The following PCDH7 variants were observed in gnomAD, a reference collection of about 807,000 sequenced individuals.
The protein encoded by PCDH7 is protocadherin-7.
PCDH7 carries 17 observed loss-of-function variants against 58.9 expected under a neutral mutation model. The observed-to-expected ratio is 0.29, with a 90% CI of 0.20 to 0.43. The LOEUF (loss-of-function observed/expected upper bound fraction) is 0.43, where lower values mean the gene tolerates loss of function less well. Ranked by LOEUF, PCDH7 falls within the 20% of genes least tolerant of loss-of-function variation. The pLI, the probability that PCDH7 is intolerant of heterozygous loss-of-function variation, is 1.00. For missense variants in PCDH7, 1,274 were observed against 1,441.0 expected, an observed-to-expected ratio of 0.88 and a Z score of 1.88; for synonymous variants, 664 against 616.4, an observed-to-expected ratio of 1.08 and a Z score of -1.14.
chr4:31,081,484 T>C (rs1414536982), intron 3 of PCDH7, among the ~76,000 whole-genome samples: 3 of 152,194 alleles, frequency 2.0e-5, no homozygotes, highest in African/African-American at 7.2e-5. Flanking sequence ...ATCTTCTTAA[T>C]ATGGCCCTTA....
chr4:30,770,789 T>A (rs1442900092), intron 1 of PCDH7, among the ~76,000 whole-genome samples: 1 of 152,178 alleles, frequency 6.6e-6, no homozygotes, highest in African/African-American at 2.4e-5. Context: ...TTGTTATAAC[T>A]GAAGTTACAC....
At chr4:30,963,370 A>G (rs936593755) in intron 3 of PCDH7, among the ~76,000 whole-genome samples, 1 of 152,086 alleles carries the variant, frequency 6.6e-6, no homozygotes, top group Non-Finnish European at 1.5e-5. Flanking sequence ...ACTGTTGGAG[A>G]GCCCTAAATT....
intron 2 of PCDH7, among the ~76,000 whole-genome samples, chr4:30,941,455 T>G (rs1387871165): frequency 6.6e-6 from 1 of 151,992 alleles, no homozygotes; most frequent in East Asian, 1.9e-4. Context: ...TTCCCAATTT[T>G]GAGTAGATTA....
intron 3 of PCDH7, among the ~76,000 whole-genome samples, chr4:31,022,627 T>G (rs1754115874): frequency 6.6e-6 from 1 of 152,192 alleles, no homozygotes. Flanking sequence ...ATATTTATCA[T>G]CAGGAGAGGT....
At chr4:30,899,717 TA>T (rs1402882138) in intron 1 of PCDH7, among the ~76,000 whole-genome samples, 1 of 151,634 alleles carries the variant, frequency 6.6e-6, no homozygotes, top group Non-Finnish European at 1.5e-5. Context: ...ATGACACTAA[TA>T]TTTTTTTTTT....
intron 1 of PCDH7, among the ~76,000 whole-genome samples, chr4:30,804,522 A>T (rs1368290166): frequency 6.6e-6 from 1 of 150,686 alleles, no homozygotes; most frequent in Non-Finnish European, 1.5e-5. Flanking sequence ...CTGGCAACAG[A>T]GCAAGACTAT....
intron 2 of PCDH7, among the ~76,000 whole-genome samples, chr4:30,932,899 TAAG>T (rs1744818901): frequency 6.6e-6 from 1 of 152,192 alleles, no homozygotes; most frequent in South Asian, 2.1e-4. Context: ...ATTCAGTAGA[TAAG>T]AAAGTCTCTG....
chr4:30,734,187 G>A (rs1176999686), downstream of PCDH7, among the ~76,000 whole-genome samples: 2 of 151,530 alleles, frequency 1.3e-5, no homozygotes, highest in African/African-American at 2.4e-5. Context: ...TTTGATGTGC[G>A]TGACTTTTTT....
At chr4:31,033,574 A>T (rs1295468707) in intron 3 of PCDH7, among the ~76,000 whole-genome samples, 1 of 152,106 alleles carries the variant, frequency 6.6e-6, no homozygotes, top group East Asian at 1.9e-4. Context: ...TCAAAAACTC[A>T]CTTCACGATA....
intron 1 of PCDH7, among the ~76,000 whole-genome samples, chr4:30,832,840 T>A (rs1729974099): frequency 6.6e-6 from 1 of 152,188 alleles, no homozygotes; most frequent in Non-Finnish European, 1.5e-5. Context: ...ATCCATTAAC[T>A]AATGTGATCA....
intron 1 of PCDH7, among the ~76,000 whole-genome samples, chr4:30,813,816 AT>A (rs1727305459): frequency 6.6e-6 from 1 of 152,072 alleles, no homozygotes; most frequent in Non-Finnish European, 1.5e-5. Context: ...AAATTTTTGC[AT>A]TTTTAGTAGA....
intron 1 of PCDH7, among the ~76,000 whole-genome samples, chr4:30,817,920 C>G (rs1298032353): frequency 6.6e-6 from 1 of 151,984 alleles, no homozygotes; most frequent in Non-Finnish European, 1.5e-5. Context: ...TTTTTCATCT[C>G]GTCCAAGTTA....
At chr4:31,053,032 T>C (rs1395780566) in intron 3 of PCDH7, among the ~76,000 whole-genome samples, 1 of 151,994 alleles carries the variant, frequency 6.6e-6, no homozygotes, top group Non-Finnish European at 1.5e-5. Context: ...CTTTAATGGC[T>C]TTTTTTGAGA....
intron 1 of PCDH7, among the ~76,000 whole-genome samples, chr4:30,872,697 G>A (rs896383273): frequency 1.3e-5 from 2 of 152,070 alleles, no homozygotes; most frequent in Non-Finnish European, 2.9e-5. Context: ...GCTCATTGTA[G>A]GCATTCATAT....
chr4:30,872,169 C>G (rs543410424), intron 1 of PCDH7, among the ~76,000 whole-genome samples: 1 of 152,028 alleles, frequency 6.6e-6, no homozygotes, highest in Non-Finnish European at 1.5e-5. Flanking sequence ...AGTTCCTTAC[C>G]AATTACTGCT....
At chr4:30,949,364 G>A (rs1560527233) in intron 2 of PCDH7, among the ~76,000 whole-genome samples, 1 of 151,912 alleles carries the variant, frequency 6.6e-6, no homozygotes, top group Non-Finnish European at 1.5e-5. Context: ...GTTTTGCAGT[G>A]GTAGTATTGC....
At chr4:31,026,385 C>A (rs1264042403) in intron 3 of PCDH7, among the ~76,000 whole-genome samples, 11 of 152,150 alleles carry the variant, frequency 7.2e-5, no homozygotes, top group Admixed American at 6.5e-4. Flanking sequence ...CGGCAACAGC[C>A]AGGCTAGCAG....
chr4:30,841,468 C>A (rs961520716), intron 1 of PCDH7, among the ~76,000 whole-genome samples: 49 of 152,122 alleles, frequency 3.2e-4, no homozygotes, highest in African/African-American at 1.1e-3. Context: ...TGCAGTCCAG[C>A]AACTTCTTTG....
At chr4:30,899,901 TA>T (rs1156713927) in intron 1 of PCDH7, among the ~76,000 whole-genome samples, 1 of 152,114 alleles carries the variant, frequency 6.6e-6, no homozygotes, top group African/African-American at 2.4e-5. Context: ...ATAGTAGTCA[TA>T]AAAATGATGA....
Sources: allele counts gnomAD v4.1 joint callset (sites outside exome capture counted in the v4.1 genomes callset), GRCh38; gene constraint gnomAD v4.1.1; transcripts MANE v1.5; gene names NCBI Gene and HGNC (gene_info 2026-07-23, HGNC 2026-07-21).